BCAS3: variants seen among roughly 807,000 people sequenced by gnomAD.
BCAS3 encodes the protein BCAS3 microtubule associated cell migration factor.
In BCAS3, 53 loss-of-function variants were observed where a neutral mutation model predicts 116.1. The observed-to-expected ratio is 0.46, with a 90% CI of 0.37 to 0.57. The LOEUF (loss-of-function observed/expected upper bound fraction) is 0.57. BCAS3 is among the 20% of genes least tolerant of loss of function. The probability of loss-of-function intolerance (pLI) is 0.00; values close to 1 mark genes in which losing one functional copy is unlikely to be tolerated. For synonymous variants in BCAS3, 391 were observed against 408.2 expected, an observed-to-expected ratio of 0.96 and a Z score of 0.51; for missense variants, 917 against 1,165.4, an observed-to-expected ratio of 0.79 and a Z score of 3.10.
intron 22 of BCAS3, among the ~76,000 whole-genome samples, chr17:61,299,516 A>G (rs1468680022): frequency 6.6e-6 from 1 of 152,060 alleles, no homozygotes; most frequent in Non-Finnish European, 1.5e-5. Flanking sequence ...AGGCGTTTAA[A>G]TAAATTCATG....
At position 61,229,406 on chromosome 17, in the gene BCAS3, A is replaced by T. The variant is rs1312440208; in HGVS notation, c.2426-138921A>T. ...CAGTTATCTAGAAGATCTAGCCAAGATCATTGATGAAGGTGGCTATGCTAA... is the reference window on the plus strand; with the variant it reads ...CAGTTATCTAGAAGATCTAGCCAAGTTCATTGATGAAGGTGGCTATGCTAA... On this transcript the variant is annotated intron_variant, in intron 22 of 23. Transcript: ENST00000407086. This position sits in a 1 kb window ranked among gnomAD's most constrained non-coding sequence, Gnocchi z 4.4. Among the ~76,000 whole-genome samples, 1 of 152,266 alleles carries T rather than the reference A, an allele frequency of 6.6e-6. No individual in the cohort carries two copies. Among genetic ancestry groups the T allele is most frequent in the African/African-American group, 2.4e-5 (1 of 41,470 alleles).
Position 60,967,481 on chromosome 17 carries a change from A to T in BCAS3, c.1221+20129A>T, listed in dbSNP as rs973345190. Among the ~76,000 whole-genome samples the T allele has an allele frequency of 6.6e-6, 1 of 151,924 alleles. No homozygotes were observed. Among genetic ancestry groups the T allele is most frequent in the African/African-American group, 2.4e-5 (1 of 41,348 alleles). On this transcript the variant is annotated intron_variant, in intron 14 of 23. Coordinates refer to ENST00000407086, the MANE Select transcript of BCAS3 (RefSeq NM_017679.5). The surrounding 1 kb of genome is among the most constrained non-coding windows in gnomAD (Gnocchi z 4.7). ...TTTTAGGATCTTCTCTTTGTCCTTG[A>T]CCTTTGAGAGTTTCATTATTATACG...
In BCAS3 at chr17:61,141,902, GAAA is replaced by G. The variant is rs34079272; in HGVS notation, c.2425+57354_2425+57356del. On this transcript the variant is annotated intron_variant, in intron 22 of 23. Coordinates refer to ENST00000407086, the MANE Select transcript of BCAS3 (RefSeq NM_017679.5). This position sits in a 1 kb window ranked among gnomAD's most constrained non-coding sequence, Gnocchi z 4.3. ...GTGACAGAGCGAGACCCCACCTCAA[GAAA>G]AAAAAAAAAAAAAAAGTTAGACAAT... Among the ~76,000 whole-genome samples, 2 of 28,584 alleles carry G rather than the reference GAAA, an allele frequency of 7.0e-5. No individual in the cohort carries two copies. Among genetic ancestry groups the G allele is most frequent in the African/African-American group, 9.2e-5 (2 of 21,842 alleles). The allele number at this position is 28,584 out of a possible 152,430, so 18.8% of individuals were successfully genotyped here. A position where few individuals can be genotyped will look rare whatever the true frequency, so the allele number is the denominator to read the frequency against.
chr17:60,723,510 G>A (rs2039472107), intron 5 of BCAS3, among the ~76,000 whole-genome samples: 1 of 152,022 alleles, frequency 6.6e-6, no homozygotes. Flanking sequence ...ACAGACATGA[G>A]CCATTCATTG....
chr17:60,772,889 G>T (rs1429986545), intron 6 of BCAS3, among the ~76,000 whole-genome samples: 1 of 152,018 alleles, frequency 6.6e-6, no homozygotes, highest in African/African-American at 2.4e-5. Flanking sequence ...AAAAAGGGGG[G>T]CTTAACGTGA....
In BCAS3 at chr17:61,034,658, T is replaced by A. The variant is rs765698505; in HGVS notation, c.1638-8T>A. 9.4e-6 allele frequency: 15 copies of A among 1,594,198 alleles called. No individual in the cohort carries two copies. Among genetic ancestry groups the A allele is most frequent in the Non-Finnish European group, 1.2e-5 (14 of 1,169,438 alleles). Reference sequence around the variant, plus strand: ...TAATTGTTTTTTACTCTTATTTTATTTTTTAAGCAAAGTTAAACCTCCTCC... The same window carrying A: ...TAATTGTTTTTTACTCTTATTTTATATTTTAAGCAAAGTTAAACCTCCTCC... On this transcript the variant is annotated splice_polypyrimidine_tract_variant and splice_region_variant and intron_variant, in intron 16 of 23. Coordinates refer to ENST00000407086, the MANE Select transcript of BCAS3 (RefSeq NM_017679.5). This position sits in a 1 kb window ranked among gnomAD's most constrained non-coding sequence, Gnocchi z 5.0.
chr17:61,222,272 C>T lies in BCAS3; in HGVS notation c.2425+137708C>T, dbSNP rs1331392681. ...AAAGGGCCTCCATAGGCTTGTCAAA[C>T]CATAGACTTCAATTTTGAAAACCTC... is the stretch of plus-strand genomic sequence containing the variant. On this transcript the variant is annotated intron_variant, in intron 22 of 23. Transcript: ENST00000407086. The surrounding 1 kb of genome is among the most constrained non-coding windows in gnomAD (Gnocchi z 6.1). Among the ~76,000 whole-genome samples the T allele has an allele frequency of 6.6e-6, 1 of 152,172 alleles. No homozygotes were observed. Among genetic ancestry groups the T allele is most frequent in the African/African-American group, 2.4e-5 (1 of 41,452 alleles).
chr17:61,123,205 G>A lies in BCAS3; in HGVS notation c.2425+38641G>A, dbSNP rs545301681. Reference sequence around the variant, plus strand: ...TGACCCACCCACCTTGGCCTCCCAAGGTGCTAGGATTACAGGCATGATCCA... The same window carrying A: ...TGACCCACCCACCTTGGCCTCCCAAAGTGCTAGGATTACAGGCATGATCCA... On this transcript the variant is annotated intron_variant, in intron 22 of 23. Coordinates refer to ENST00000407086, the MANE Select transcript of BCAS3 (RefSeq NM_017679.5). Among the ~76,000 whole-genome samples the A allele has an allele frequency of 4.6e-5, 7 of 151,936 alleles. 1 individual carries two copies. The South Asian group carries it at 1.5e-3, about 32-fold the overall frequency.
At chr17:60,989,851 A>T (rs2063412339) in intron 14 of BCAS3, 120 bp from the exon 15 acceptor site, 3 of 1,097,062 alleles carry the variant, frequency 2.7e-6, no homozygotes, top group African/African-American at 1.6e-5. Flanking sequence ...TTATTACCTG[A>T]TCTTAGGTAC....
At chr17:60,803,370 G>A (rs1465380146) in intron 6 of BCAS3, among the ~76,000 whole-genome samples, 3 of 152,014 alleles carry the variant, frequency 2.0e-5, no homozygotes, top group African/African-American at 4.8e-5. Flanking sequence ...CTAGTACCTG[G>A]TATTATCAGT....
In BCAS3 at chr17:60,730,228, CCTTT is replaced by C. The variant is rs971401066; in HGVS notation, c.322-16967_322-16964del. The stretch of plus-strand genomic sequence containing the variant: ...AAGGTTAAAGTTGCCTTAAAACACT[CCTTT>C]CTATGTGTGCAAAAATCTGGAAGTA... On this transcript the variant is annotated intron_variant, in intron 5 of 23. Coordinates refer to ENST00000407086, the MANE Select transcript of BCAS3 (RefSeq NM_017679.5). 3.3e-5 allele frequency among the ~76,000 whole-genome samples: 5 copies of C among 152,170 alleles called. 1 individual carries two copies. Among genetic ancestry groups the C allele is most frequent in the African/African-American group, 1.2e-4 (5 of 41,440 alleles).
intron 23 of BCAS3, chr17:61,389,740 T>A (rs1839111467): frequency 6.6e-6 from 1 of 152,294 alleles, no homozygotes; most frequent in Non-Finnish European, 1.5e-5. Context: ...ATTCATCTTG[T>A]AAGCCCCTGG....
At chr17:60,793,579 A>G (rs1266487164) in intron 6 of BCAS3, among the ~76,000 whole-genome samples, 1 of 151,768 alleles carries the variant, frequency 6.6e-6, no homozygotes, top group Non-Finnish European at 1.5e-5. Flanking sequence ...CAAGTCCCCA[A>G]AGTCCACTGC....
Position 61,333,625 on chromosome 17 carries a change from C to T in BCAS3, c.2426-34702C>T, listed in dbSNP as rs538387755. Among the ~76,000 whole-genome samples, 3 of 142,534 alleles carry T rather than the reference C, an allele frequency of 2.1e-5. No individual in the cohort carries two copies. Among genetic ancestry groups the T allele is most frequent in the African/African-American group, 7.8e-5 (3 of 38,490 alleles). 93.5% of individuals were successfully genotyped at this position (142,534 alleles called of 152,430 possible). On this transcript the variant is annotated intron_variant, in intron 22 of 23. Coordinates refer to ENST00000407086, the MANE Select transcript of BCAS3 (RefSeq NM_017679.5). This position sits in a 1 kb window ranked among gnomAD's most constrained non-coding sequence, Gnocchi z 4.8. ...AGTTCTTGAAACTTTCTTTTTTTTT[C>T]TTTTTTTTTTTTTGAGACAGAGTCT...
At chr17:60,889,559 A>C in intron 9 of BCAS3, 136 bp from the exon 10 acceptor site, 1 of 681,244 alleles carries the variant, frequency 1.5e-6, no homozygotes, top group Non-Finnish European at 2.5e-6. Flanking sequence ...AATAATGACT[A>C]GTGTTACAGG....
At chr17:60,728,724 C>A (rs1483050004) in intron 5 of BCAS3, among the ~76,000 whole-genome samples, 1 of 152,140 alleles carries the variant, frequency 6.6e-6, no homozygotes, top group Admixed American at 6.6e-5. Flanking sequence ...AAGCAATCTA[C>A]CGCCTCAGCT....
chr17:61,392,258 C>A lies in BCAS3; in HGVS notation c.*133C>A. ...CTTCCCCAAGCTTAGTGACAGCAGCCGCCCATCCTACCTGGATGGAGAAGA... is the reference window on the plus strand; with the variant it reads ...CTTCCCCAAGCTTAGTGACAGCAGCAGCCCATCCTACCTGGATGGAGAAGA... On this transcript the variant is annotated 3_prime_UTR_variant, in exon 24 of 24. Transcript: ENST00000407086. The surrounding 1 kb of genome is among the most constrained non-coding windows in gnomAD (Gnocchi z 6.4). 1 of 1,114,006 alleles carries A rather than the reference C, an allele frequency of 9.0e-7. No individual in the cohort carries two copies. Among genetic ancestry groups the A allele is most frequent in the Non-Finnish European group, 1.3e-6 (1 of 794,180 alleles). 69.0% of individuals were successfully genotyped at this position (1,114,006 alleles called of 1,614,324 possible).
Position 61,073,786 on chromosome 17 carries a change from C to T in BCAS3, c.2030-1134C>T, listed in dbSNP as rs769163861. Among the ~76,000 whole-genome samples the T allele has an allele frequency of 6.6e-6, 1 of 151,862 alleles. No homozygotes were observed. Among genetic ancestry groups the T allele is most frequent in the African/African-American group, 2.4e-5 (1 of 41,352 alleles). On this transcript the variant is annotated intron_variant, in intron 19 of 23. Transcript: ENST00000407086. The surrounding 1 kb of genome is among the most constrained non-coding windows in gnomAD (Gnocchi z 4.6). The stretch of plus-strand genomic sequence containing the variant: ...CCTCCCCTCTTTTTCTCTGTTCCTC[C>T]CAGTACTTCATTGCTTGATTTCTCT...
At chr17:61,201,897 TA>T (rs2080845757) in intron 22 of BCAS3, among the ~76,000 whole-genome samples, 1 of 151,484 alleles carries the variant, frequency 6.6e-6, no homozygotes, top group Non-Finnish European at 1.5e-5. Flanking sequence ...TAGCTGGGAT[TA>T]CGGGAATGTG....
Sources: allele counts gnomAD v4.1 joint callset (sites outside exome capture counted in the v4.1 genomes callset), GRCh38; gene constraint gnomAD v4.1.1; non-coding constraint Gnocchi (gnomAD v3.1); transcripts MANE v1.5; gene names NCBI Gene and HGNC (gene_info 2026-07-23, HGNC 2026-07-21).